The following WWTR1 variants were observed in gnomAD, a reference collection of about 807,000 sequenced individuals.
WWTR1 encodes the protein WW domain containing transcription regulator 1, also known as WW domain-containing transcription regulator protein 1.
In WWTR1, 13 loss-of-function variants were observed where a neutral mutation model predicts 40.1. The observed-to-expected ratio is 0.32, with a 90% CI of 0.21 to 0.52. The LOEUF (loss-of-function observed/expected upper bound fraction) is 0.52. Among genes scored for constraint, WWTR1 ranks in the 20% least tolerant of loss-of-function variants. The pLI is 0.97. For missense variants in WWTR1, 436 were observed against 523.1 expected, an observed-to-expected ratio of 0.83 and a Z score of 1.63; for synonymous variants, 230 against 210.1, an observed-to-expected ratio of 1.09 and a Z score of -0.82.
At chr3:149,688,326 A>T (rs1714717030) in intron 1 of WWTR1, among the ~76,000 whole-genome samples, 3 of 152,164 alleles carry the variant, frequency 2.0e-5, no homozygotes, top group Admixed American at 2.0e-4. Flanking sequence ...GCCTTGGGCG[A>T]GACCCAGTAC....
At chr3:149,541,059 T>G (rs1736077043) in intron 4 of WWTR1, 3 of 456,334 alleles carry the variant, frequency 6.6e-6, no homozygotes. Context: ...CTCTGGAATG[T>G]TAAAACTACT....
intron 2 of WWTR1, among the ~76,000 whole-genome samples, chr3:149,587,779 C>T (rs1288642991): frequency 6.6e-6 from 1 of 152,140 alleles, no homozygotes; most frequent in Non-Finnish European, 1.5e-5. Context: ...AAATCTCCAC[C>T]TCACTCTTTA....
intron 3 of WWTR1, among the ~76,000 whole-genome samples, chr3:149,562,231 G>T (rs890276380): frequency 2.6e-5 from 4 of 151,552 alleles, no homozygotes; most frequent in Admixed American, 6.6e-5. Context: ...GGAGGCAGAG[G>T]TTGCAGTGAG....
chr3:149,693,821 C>A (rs978469741), intron 1 of WWTR1, among the ~76,000 whole-genome samples: 3 of 152,164 alleles, frequency 2.0e-5, no homozygotes, highest in Non-Finnish European at 2.9e-5. Flanking sequence ...ATTACTATCT[C>A]TTGATATACA....
At chr3:149,680,473 G>A (rs546307293) in intron 1 of WWTR1, among the ~76,000 whole-genome samples, 220 of 152,216 alleles carry the variant, frequency 1.4e-3, no homozygotes, top group African/African-American at 5.2e-3. Flanking sequence ...GAACCCAGGA[G>A]GCGGAGGTTG....
intron 3 of WWTR1, among the ~76,000 whole-genome samples, chr3:149,545,471 C>T (rs767456626): frequency 2.0e-5 from 3 of 152,092 alleles, no homozygotes; most frequent in Non-Finnish European, 2.9e-5. Context: ...CAGAAATACC[C>T]AGGTTAGGAA....
At chr3:149,546,895 G>A (rs538495771) in intron 3 of WWTR1, among the ~76,000 whole-genome samples, 60 of 152,226 alleles carry the variant, frequency 3.9e-4, no homozygotes, top group Non-Finnish European at 5.6e-4. Context: ...TTTTATCAAG[G>A]TCATAAAACC....
intron 2 of WWTR1, among the ~76,000 whole-genome samples, chr3:149,620,562 GCTC>G: frequency 1.1e-5 from 1 of 94,950 alleles, no homozygotes; most frequent in East Asian, 1.3e-3. Flanking sequence ...CTCCTCCACC[GCTC>G]CCCCCCACAC....
intron 1 of WWTR1, among the ~76,000 whole-genome samples, chr3:149,677,274 C>T (rs1714300870): frequency 6.6e-6 from 1 of 151,912 alleles, no homozygotes; most frequent in African/African-American, 2.4e-5. Context: ...CCTACAGGAG[C>T]AATTTCATAT....
chr3:149,615,932 CCTCT>C (rs139712454), intron 2 of WWTR1, among the ~76,000 whole-genome samples: 28 of 152,116 alleles, frequency 1.8e-4, no homozygotes, highest in Non-Finnish European at 2.8e-4. Context: ...AATGAATCAG[CCTCT>C]CTCTGTTTAT....
Position 149,671,789 on chromosome 3 carries a change from T to C in WWTR1, c.-107-1898A>G, listed in dbSNP as rs539643503. On this transcript the variant is annotated intron_variant, in intron 1 of 7. Coordinates refer to the WWTR1 transcript ENST00000465804. ...ATCTTAATGTACTATATTATTATGCTTAAAGGTCTTATTATTCATTTTTTA... is the reference window on the plus strand; with the variant it reads ...ATCTTAATGTACTATATTATTATGCCTAAAGGTCTTATTATTCATTTTTTA... 3.3e-5 allele frequency among the ~76,000 whole-genome samples: 5 copies of C among 152,300 alleles called. No homozygotes were observed. In the South Asian group the frequency reaches 1.0e-3, roughly 32 times the overall value.
intron 2 of WWTR1, among the ~76,000 whole-genome samples, chr3:149,581,547 AT>A (rs570814996): frequency 1.3e-3 from 196 of 152,206 alleles, no homozygotes; most frequent in African/African-American, 4.4e-3. Context: ...TAAATAGGGG[AT>A]TTTTTTAGGA....
At chr3:149,587,428 AGACCCCACCCAAAAGGTGG>A (rs1738479482) in intron 2 of WWTR1, among the ~76,000 whole-genome samples, 3 of 152,222 alleles carry the variant, frequency 2.0e-5, no homozygotes, top group Admixed American at 2.0e-4. Context: ...AGGAGAAAAC[AGACCCCACCCAAAAGGTGG>A]GAAGCGCCGG....
chr3:149,525,394 C>G (rs1421898290), intron 6 of WWTR1, among the ~76,000 whole-genome samples: 1 of 151,720 alleles, frequency 6.6e-6, no homozygotes, highest in African/African-American at 2.4e-5. Context: ...GGCAAACAAA[C>G]AGTGGTGTCT....
intron 1 of WWTR1, among the ~76,000 whole-genome samples, chr3:149,687,411 C>G (rs192265765): frequency 3.3e-5 from 5 of 152,290 alleles, no homozygotes; most frequent in African/African-American, 1.2e-4. Flanking sequence ...AAAGAGATGG[C>G]ATGCCTGACA....
intron 1 of WWTR1, among the ~76,000 whole-genome samples, chr3:149,672,246 A>G (rs935837730): frequency 6.6e-6 from 1 of 152,214 alleles, no homozygotes; most frequent in African/African-American, 2.4e-5. Flanking sequence ...AAGTTCGCCA[A>G]CCGCTTTCCT....
rs534996330 is a variant in WWTR1, at chr3:149,551,115, T to C, written c.569-8578A>G. The stretch of plus-strand genomic sequence containing the variant: ...GAGTTTGAGACCAGCCTGACCAACA[T>C]GGAGAAACCCCATCTCTATTAAAAA... On this transcript the variant is annotated intron_variant, in intron 3 of 6. Coordinates refer to ENST00000360632, the MANE Select transcript of WWTR1 (RefSeq NM_015472.6). Among the ~76,000 whole-genome samples, 12 of 143,996 alleles carry C rather than the reference T, an allele frequency of 8.3e-5. 2 individuals carry two copies. The highest frequency in any genetic ancestry group is 8.3e-4 in the Admixed American group (12 of 14,436). 94.5% of individuals were successfully genotyped at this position (143,996 alleles called of 152,430 possible).
chr3:149,522,522 T>C (rs1412397012), intron 6 of WWTR1, among the ~76,000 whole-genome samples: 1 of 152,154 alleles, frequency 6.6e-6, no homozygotes, highest in African/African-American at 2.4e-5. Flanking sequence ...AAAATAACGT[T>C]AAACGAAAAA....
intron 2 of WWTR1, among the ~76,000 whole-genome samples, chr3:149,612,871 TCAAAACATCTCTTCCTACA>T (rs1046148242): frequency 1.3e-5 from 2 of 152,178 alleles, no homozygotes; most frequent in African/African-American, 2.4e-5. Flanking sequence ...CACTGATACC[TCAAAACATCTCTTCCTACA>T]CAATTTTTAA....
Sources: allele counts gnomAD v4.1 joint callset (sites outside exome capture counted in the v4.1 genomes callset), GRCh38; gene constraint gnomAD v4.1.1; transcripts MANE v1.5; gene names NCBI Gene and HGNC (gene_info 2026-07-23, HGNC 2026-07-21).